Variants in ADARB2 observed in about 807,000 individuals in gnomAD.
ADARB2 encodes the protein inactive double-stranded RNA-specific editase B2.
Under a neutral mutation model 62.2 loss-of-function variants are expected in ADARB2, and 25 were observed. The ratio of observed to expected loss-of-function variants is 0.40; its 90% CI spans 0.29 to 0.56. The LOEUF is 0.56. Among genes scored for constraint, ADARB2 ranks in the 20% least tolerant of loss-of-function variants. The pLI, the probability that ADARB2 is intolerant of heterozygous loss-of-function variation, is 0.43. For missense variants in ADARB2, 1,071 were observed against 1,077.4 expected (o/e 0.99, Z 0.08); for synonymous variants, 572 against 500.8 (o/e 1.14, Z -1.90).
chr10:1,293,640 C>T (rs1210773174), intron 3 of ADARB2, among the ~76,000 whole-genome samples: 2 of 152,164 alleles, frequency 1.3e-5, no homozygotes, highest in Non-Finnish European at 2.9e-5. Flanking sequence ...GTTTATCCTC[C>T]ACTACCTTTG....
intron 4 of ADARB2, among the ~76,000 whole-genome samples, chr10:1,262,012 AATC>A (rs1288944832): frequency 6.7e-6 from 1 of 148,240 alleles, no homozygotes; most frequent in African/African-American, 2.6e-5. Context: ...TGAAATTGGA[AATC>A]ATCATTCTCA....
chr10:1,696,959 G>A (rs1564197726), intron 1 of ADARB2, among the ~76,000 whole-genome samples: 1 of 137,676 alleles, frequency 7.3e-6, no homozygotes, highest in Non-Finnish European at 1.6e-5. Context: ...AACATGATGA[G>A]ATTATTTTGT....
intron 1 of ADARB2, among the ~76,000 whole-genome samples, chr10:1,663,329 C>G (rs576012068): frequency 2.0e-5 from 3 of 152,150 alleles, no homozygotes; most frequent in African/African-American, 7.2e-5. Flanking sequence ...GGTTACTCTG[C>G]GTGGTGCGGC....
At chr10:1,632,179 A>G (rs1368366554) in intron 1 of ADARB2, among the ~76,000 whole-genome samples, 1 of 152,242 alleles carries the variant, frequency 6.6e-6, no homozygotes, top group Non-Finnish European at 1.5e-5. Context: ...CTCATGAAGA[A>G]AAACAACATA....
chr10:1,240,730 G>A (rs539768235), intron 5 of ADARB2, among the ~76,000 whole-genome samples: 1 of 152,204 alleles, frequency 6.6e-6, no homozygotes, highest in Non-Finnish European at 1.5e-5. Flanking sequence ...CCAGCTGGTG[G>A]CACAGCACCA....
At position 1,390,068 on chromosome 10, in the gene ADARB2, T is replaced by C. The variant is rs1003697841; in HGVS notation, c.101-10908A>G. On this transcript the variant is annotated intron_variant, in intron 1 of 9. Transcript: ENST00000381312. The stretch of plus-strand genomic sequence containing the variant: ...TTCCAAATGCCCATCAAGAGAAGAA[T>C]GGATACATTAATTGTGGTGCATTTA... Among the ~76,000 whole-genome samples the C allele has an allele frequency of 2.6e-5, 4 of 152,202 alleles. No homozygotes were observed. In the East Asian group the frequency reaches 7.7e-4, roughly 29 times the overall value.
rs563157411 is a variant in ADARB2, at chr10:1,574,198, G to A, written c.100+162853C>T. On this transcript the variant is annotated intron_variant, in intron 1 of 9. Coordinates refer to ENST00000381312, the MANE Select transcript of ADARB2 (RefSeq NM_018702.4). ...CACAAGTGATGTGGGCCGAGAGCAC[G>A]GAACGGACAGCCTCTTACACATGCA... is the stretch of plus-strand genomic sequence containing the variant. Among the ~76,000 whole-genome samples the A allele has an allele frequency of 2.6e-5, 4 of 152,290 alleles. No homozygotes were observed. The East Asian group carries it at 7.7e-4, about 29-fold the overall frequency.
chr10:1,421,163 G>T (rs1367945258), intron 1 of ADARB2, among the ~76,000 whole-genome samples: 2 of 151,978 alleles, frequency 1.3e-5, no homozygotes. Context: ...CTTCAGACCT[G>T]CCTTGATTAA....
chr10:1,278,426 C>A (rs1346670533), intron 3 of ADARB2, among the ~76,000 whole-genome samples: 2 of 151,628 alleles, frequency 1.3e-5, no homozygotes, highest in African/African-American at 4.9e-5. Flanking sequence ...CAACCCCCTC[C>A]CTCCCCACCA....
At chr10:1,342,801 T>A (rs1413956825) in intron 3 of ADARB2, among the ~76,000 whole-genome samples, 2 of 152,192 alleles carry the variant, frequency 1.3e-5, no homozygotes, top group Non-Finnish European at 2.9e-5. Flanking sequence ...GTTCTCATCT[T>A]CTCTCCCACA....
intron 1 of ADARB2, among the ~76,000 whole-genome samples, chr10:1,408,487 A>G (rs909272055): frequency 1.3e-5 from 2 of 152,080 alleles, no homozygotes; most frequent in Non-Finnish European, 2.9e-5. Context: ...AGCGAAAGGG[A>G]GTCAAGAATG....
Position 1,375,993 on chromosome 10 carries a change from G to A in ADARB2, c.187+3081C>T, listed in dbSNP as rs374443190. Among the ~76,000 whole-genome samples, 377 of 149,672 alleles carry A rather than the reference G, an allele frequency of 2.5e-3. 2 individuals are homozygous for A. Among genetic ancestry groups the A allele is most frequent in the Non-Finnish European group, 4.1e-3 (278 of 67,604 alleles). ...CATGTGCACACACACGCACACACACGCACATGACACATATACACGTGAACT... is the reference window on the plus strand; with the variant it reads ...CATGTGCACACACACGCACACACACACACATGACACATATACACGTGAACT... On this transcript the variant is annotated intron_variant, in intron 2 of 9. Transcript: ENST00000381312.
intron 7 of ADARB2, among the ~76,000 whole-genome samples, chr10:1,215,251 C>T (rs1589153946): frequency 6.6e-6 from 1 of 152,206 alleles, no homozygotes; most frequent in Admixed American, 6.5e-5. Context: ...CATGCAGGCA[C>T]TGCCTGCCCC....
At chr10:1,642,937 C>T (rs10903527) in intron 1 of ADARB2, among the ~76,000 whole-genome samples, 75,253 of 152,128 alleles carry the variant, frequency 0.49, 20,804 homozygotes, top group East Asian at 0.69. Context: ...ACCTCCACCC[C>T]GCGGCCCCCT....
intron 1 of ADARB2, among the ~76,000 whole-genome samples, chr10:1,391,766 A>ATTTTTTTTT (rs60956446): frequency 8.7e-5 from 8 of 91,646 alleles, no homozygotes; most frequent in African/African-American, 3.1e-4. Context: ...TAAGAATTGG[A>ATTTTTTTTT]TTTTTTTTTT....
chr10:1,729,396 A>T (rs891639371), intron 1 of ADARB2, among the ~76,000 whole-genome samples: 1 of 152,216 alleles, frequency 6.6e-6, no homozygotes, highest in Non-Finnish European at 1.5e-5. Context: ...TCCTTAAAGA[A>T]TGTGGCTATT....
chr10:1,242,574 A>G (rs774210231), intron 4 of ADARB2, among the ~76,000 whole-genome samples: 1 of 152,220 alleles, frequency 6.6e-6, no homozygotes, highest in Non-Finnish European at 1.5e-5. Flanking sequence ...TAGGCACCAT[A>G]GGAGCAGAGT....
Position 1,233,726 on chromosome 10 carries a change from C to T in ADARB2, c.1481G>A (p.Arg494Lys), listed in dbSNP as rs1830831689. The T allele has an allele frequency of 6.2e-7, 1 of 1,613,640 alleles. No individual in the cohort carries two copies. Among genetic ancestry groups the T allele is most frequent in the Non-Finnish European group, 8.5e-7 (1 of 1,179,868 alleles). The change falls in exon 6 of 10, where the codon AGA becomes AAA. Residue 494 changes from arginine (R) to lysine (K), a missense_variant. By Grantham distance (26) the Arg-to-Lys change is conservative. Transcript: ENST00000381312. The stretch of plus-strand genomic sequence containing the variant: ...GGTGATCTCGTAGGGAGAGTGGAGT[C>T]TTGCGTCTCCACAGGGGGAGGTGCT... ...YVSTSPCGDA[R>K]LHSPYEITTD...
intron 1 of ADARB2, among the ~76,000 whole-genome samples, chr10:1,449,774 C>T (rs1028415823): frequency 3.3e-5 from 5 of 152,202 alleles, no homozygotes; most frequent in African/African-American, 1.2e-4. Context: ...ATCTCCAGGT[C>T]CAATTTAATC....
Sources: allele counts gnomAD v4.1 joint callset (sites outside exome capture counted in the v4.1 genomes callset), GRCh38; gene constraint gnomAD v4.1.1; transcripts MANE v1.5; gene names NCBI Gene and HGNC (gene_info 2026-07-23, HGNC 2026-07-21).